Variants in GLRB observed in about 807,000 individuals in gnomAD.
The protein encoded by GLRB is glycine receptor subunit beta.
Under a neutral mutation model 54.2 loss-of-function variants are expected in GLRB, and 33 were observed. The ratio of observed to expected loss-of-function variants is 0.61; its 90% CI spans 0.46 to 0.81. The LOEUF (loss-of-function observed/expected upper bound fraction) is 0.81, where lower values mean the gene tolerates loss of function less well. GLRB is among the 40% of genes least tolerant of loss of function. The pLI, the probability that GLRB is intolerant of heterozygous loss-of-function variation, is 0.00. For missense variants in GLRB, 572 were observed against 584.6 expected (o/e 0.98, Z 0.22); for synonymous variants, 209 against 208.2 (o/e 1.00, Z -0.03).
Position 157,077,998 on chromosome 4 carries a change from C to T in GLRB, c.-27C>T, listed in dbSNP as rs200849834. 1.9e-6 allele frequency: 3 copies of T among 1,584,084 alleles called. No individual in the cohort carries two copies. The highest frequency in any genetic ancestry group is 1.1e-5 in the South Asian group (1 of 90,162). On this transcript the variant is annotated splice_region_variant and 5_prime_UTR_variant, in exon 2 of 10. Transcript: ENST00000264428. ...CATTTTCTTGTTCTCTCTTGTAGAT[C>T]GATCTTCTGAAATTCAAGTTTTCAA...
Position 157,133,799 on chromosome 4 carries a change from T to C in GLRB, c.298-2670T>C, listed in dbSNP as rs1209319341. The stretch of plus-strand genomic sequence containing the variant: ...AAAATGCTTAGACTTAATATACTGA[T>C]AAAAAATACAAATGTATTCTTGGGT... On this transcript the variant is annotated intron_variant, in intron 4 of 9. Coordinates refer to ENST00000264428, the MANE Select transcript of GLRB (RefSeq NM_000824.5). 5.3e-5 allele frequency among the ~76,000 whole-genome samples: 8 copies of C among 152,086 alleles called. No homozygotes were observed. The East Asian group carries it at 1.6e-3, about 29-fold the overall frequency.
At chr4:157,083,010 G>A (rs1402756476) in intron 2 of GLRB, among the ~76,000 whole-genome samples, 1 of 145,604 alleles carries the variant, frequency 6.9e-6, no homozygotes, top group African/African-American at 2.6e-5. Context: ...TTACAATTTA[G>A]TATTTTAAGA....
intron 9 of GLRB, among the ~76,000 whole-genome samples, chr4:157,155,272 G>T (rs575021535): frequency 5.7e-4 from 86 of 152,194 alleles, no homozygotes; most frequent in African/African-American, 2.0e-3. Flanking sequence ...AGGACCACAG[G>T]TGTGTGCCAC....
chr4:157,146,645 C>T (rs1048335605), intron 8 of GLRB, among the ~76,000 whole-genome samples: 4 of 151,444 alleles, frequency 2.6e-5, no homozygotes, highest in Non-Finnish European at 5.9e-5. Flanking sequence ...ATGGTAAAAC[C>T]CCGTCTCTAC....
intron 4 of GLRB, among the ~76,000 whole-genome samples, chr4:157,126,913 G>A (rs2126544220): frequency 6.6e-6 from 1 of 151,728 alleles, no homozygotes; most frequent in African/African-American, 2.4e-5. Flanking sequence ...CTTTAGTTTA[G>A]GCATCCTTTG....
chr4:157,097,496 G>A (rs1734855502), intron 2 of GLRB, among the ~76,000 whole-genome samples: 1 of 152,140 alleles, frequency 6.6e-6, no homozygotes, highest in South Asian at 2.1e-4. Context: ...TAGAACAAAT[G>A]TTTGCTTATA....
chr4:157,091,531 C>T (rs993190966), intron 2 of GLRB: 8 of 152,180 alleles, frequency 5.3e-5, no homozygotes, highest in African/African-American at 1.9e-4. Flanking sequence ...ATAGTTTTGA[C>T]TCTGTGGACA....
intron 2 of GLRB, among the ~76,000 whole-genome samples, chr4:157,093,522 C>T (rs779172746): frequency 3.2e-4 from 49 of 152,034 alleles, no homozygotes; most frequent in Non-Finnish European, 5.9e-4. Context: ...GGGCTGATCA[C>T]GAGATCAAGA....
intron 2 of GLRB, among the ~76,000 whole-genome samples, chr4:157,087,379 G>A (rs918094657): frequency 6.6e-6 from 1 of 152,026 alleles, no homozygotes; most frequent in Non-Finnish European, 1.5e-5. Flanking sequence ...ATCTATCTGA[G>A]TCTCAGTTTT....
At chr4:157,168,136 A>G (rs1044382130) in intron 9 of GLRB, among the ~76,000 whole-genome samples, 1 of 150,226 alleles carries the variant, frequency 6.7e-6, no homozygotes, top group South Asian at 2.1e-4. Context: ...TTTGTCAGAC[A>G]TTTTGCTAGA....
chr4:157,100,628 G>T (rs1033609223), intron 2 of GLRB, among the ~76,000 whole-genome samples: 15 of 152,018 alleles, frequency 9.9e-5, no homozygotes, highest in African/African-American at 3.1e-4. Flanking sequence ...AAATGCTGGG[G>T]CTTTCACTGA....
chr4:157,157,215 A>G (rs1049027825), intron 9 of GLRB, among the ~76,000 whole-genome samples: 3 of 152,114 alleles, frequency 2.0e-5, no homozygotes, highest in African/African-American at 7.2e-5. Context: ...GTTTAAGTCC[A>G]TACTCCCTAC....
At position 157,170,432 on chromosome 4, in the gene GLRB, G is replaced by T. The variant is rs757694930; in HGVS notation, c.1198G>T (p.Val400Phe). Residue 400 changes from valine (V) to phenylalanine (F), a missense_variant and splice_region_variant, in exon 10 of 10, where the codon GTT becomes TTT. By Grantham distance (50) the Val-to-Phe change is conservative (BLOSUM62 -1). Coordinates refer to ENST00000264428, the MANE Select transcript of GLRB (RefSeq NM_000824.5). ...GTPVHISTLQ[V>F]GETRCKKVCT... ...CATTGTCTTCAATATTTATTCTTAGGTTGGTGAGACCAGATGCAAAAAAGT... is the reference window on the plus strand; with the variant it reads ...CATTGTCTTCAATATTTATTCTTAGTTTGGTGAGACCAGATGCAAAAAAGT... 12 of 1,558,192 alleles carry T rather than the reference G, an allele frequency of 7.7e-6. No homozygotes were observed. Among genetic ancestry groups the T allele is most frequent in the Non-Finnish European group, 1.1e-5 (12 of 1,129,638 alleles).
chr4:157,128,929 T>A (rs1346904410), intron 4 of GLRB, among the ~76,000 whole-genome samples: 6 of 151,858 alleles, frequency 4.0e-5, no homozygotes, highest in Non-Finnish European at 7.4e-5. Context: ...TCTCTTTTAT[T>A]TATTTGAATG....
chr4:157,097,205 T>A (rs1182358323), intron 2 of GLRB, among the ~76,000 whole-genome samples: 1 of 152,206 alleles, frequency 6.6e-6, no homozygotes, highest in Non-Finnish European at 1.5e-5. Flanking sequence ...TGGTTTGGAC[T>A]CCATTAGATT....
intron 4 of GLRB, 68 bp from the exon 5 acceptor site, chr4:157,136,401 T>TG (rs1047030819): frequency 1.1e-6 from 1 of 900,906 alleles, no homozygotes; most frequent in Non-Finnish European, 1.8e-6. Context: ...CTTTTTGTTT[T>TG]GGGGCCGAAT....
At position 157,161,019 on chromosome 4, in the gene GLRB, T is replaced by C. The variant is rs554571582; in HGVS notation, c.1197+8009T>C. ...TGCTTTATGAATCTGGGTGCTCCTGTATCGGGTGCCTATATATTCAGGATA... is the reference window on the plus strand; with the variant it reads ...TGCTTTATGAATCTGGGTGCTCCTGCATCGGGTGCCTATATATTCAGGATA... On this transcript the variant is annotated intron_variant, in intron 9 of 9. Transcript: ENST00000264428. 4.6e-5 allele frequency among the ~76,000 whole-genome samples: 7 copies of C among 152,350 alleles called. 1 individual carries two copies. The South Asian group carries it at 1.4e-3, about 32-fold the overall frequency.
chr4:157,118,476 T>C (rs1735686227), intron 2 of GLRB, among the ~76,000 whole-genome samples: 1 of 151,598 alleles, frequency 6.6e-6, no homozygotes, highest in Non-Finnish European at 1.5e-5. Flanking sequence ...GAAAATCTAA[T>C]TACCAGCCCT....
At chr4:157,158,798 T>C (rs1219958794) in intron 9 of GLRB, among the ~76,000 whole-genome samples, 1 of 152,184 alleles carries the variant, frequency 6.6e-6, no homozygotes, top group African/African-American at 2.4e-5. Context: ...TTGCTTAGGA[T>C]TGTCTTGGCA....
Sources: allele counts gnomAD v4.1 joint callset (sites outside exome capture counted in the v4.1 genomes callset), GRCh38; gene constraint gnomAD v4.1.1; transcripts MANE v1.5; gene names NCBI Gene and HGNC (gene_info 2026-07-23, HGNC 2026-07-21).